The following RNLS variants were observed in gnomAD, a reference collection of about 807,000 sequenced individuals.
RNLS encodes renalase, FAD dependent amine oxidase.
RNLS carries 39 observed loss-of-function variants against 39.8 expected under a neutral mutation model. The ratio of observed to expected loss-of-function variants is 0.98; its 90% CI spans 0.76 to 1.28. The LOEUF is 1.28. RNLS is among the 50% of genes most tolerant of loss of function. The pLI, the probability that RNLS is intolerant of heterozygous loss-of-function variation, is 0.00. For missense variants in RNLS, 410 were observed against 413.3 expected (o/e 0.99, Z 0.07); for synonymous variants, 147 against 150.7 (o/e 0.98, Z 0.18).
At chr10:88,287,379 C>T (rs1426353033) in intron 6 of RNLS, among the ~76,000 whole-genome samples, 2 of 152,114 alleles carry the variant, frequency 1.3e-5, no homozygotes, top group Non-Finnish European at 2.9e-5. Flanking sequence ...GCACATAGTG[C>T]AGTCACTGAA....
At chr10:88,314,227 T>G (rs1172998732) in intron 6 of RNLS, among the ~76,000 whole-genome samples, 1 of 152,210 alleles carries the variant, frequency 6.6e-6, no homozygotes, top group Admixed American at 6.5e-5. Flanking sequence ...TTTGTAAGTC[T>G]TGAGATGCTT....
intron 4 of RNLS, among the ~76,000 whole-genome samples, chr10:88,426,890 T>C (rs1461758187): frequency 1.3e-5 from 2 of 152,026 alleles, no homozygotes; most frequent in Non-Finnish European, 2.9e-5. Flanking sequence ...TAAAGATCAG[T>C]TAAACCTAAG....
intron 4 of RNLS, among the ~76,000 whole-genome samples, chr10:88,477,389 C>T (rs1363504808): frequency 6.6e-6 from 1 of 151,650 alleles, no homozygotes; most frequent in African/African-American, 2.4e-5. Flanking sequence ...TGGTGATGAC[C>T]GGGATGACAG....
intron 4 of RNLS, among the ~76,000 whole-genome samples, chr10:88,427,236 T>C (rs1854835502): frequency 6.6e-6 from 1 of 152,032 alleles, no homozygotes; most frequent in African/African-American, 2.4e-5. Context: ...GTTATCAGCC[T>C]TGTGGATTCT....
the RNLS span, among the ~76,000 whole-genome samples, chr10:88,203,357 CGT>C: frequency 0.1 from 88 of 858 alleles, 26 homozygotes; most frequent in Non-Finnish European, 0.16. Context: ...TATATATATA[CGT>C]ATGTGTGTGT....
In RNLS at chr10:88,420,031, T is replaced by C. The variant is rs1025819887; in HGVS notation, c.527-57306A>G. Among the ~76,000 whole-genome samples the C allele has an allele frequency of 2.6e-4, 26 of 99,264 alleles. No homozygotes were observed. In the Admixed American group the frequency reaches 2.8e-3, roughly 11 times the overall value. The allele number at this position is 99,264 out of a possible 152,430, so 65.1% of individuals were successfully genotyped here. On this transcript the variant is annotated intron_variant, in intron 4 of 6. Coordinates refer to ENST00000331772, the MANE Select transcript of RNLS (RefSeq NM_001031709.3). ...ATCTCAAAATAAATAAATAAATAAA[T>C]AAATAAATAAATAAATAAATAAATA...
At chr10:88,273,755 CT>C (rs1842715279), downstream of RNLS, 1 of 152,132 alleles carries the variant, frequency 6.6e-6, no homozygotes, top group Non-Finnish European at 1.5e-5. Flanking sequence ...CATATTGCCA[CT>C]TACTATGCGA....
intron 6 of RNLS, among the ~76,000 whole-genome samples, chr10:88,308,662 A>G (rs1845121015): frequency 1.3e-5 from 2 of 152,204 alleles, no homozygotes; most frequent in African/African-American, 4.8e-5. Flanking sequence ...GTGCTTACAC[A>G]TTGTTGGTGG....
chr10:88,367,974 T>C (rs1353174998), intron 4 of RNLS, among the ~76,000 whole-genome samples: 1 of 152,128 alleles, frequency 6.6e-6, no homozygotes, highest in Non-Finnish European at 1.5e-5. Context: ...TAGTATGATT[T>C]GATGAATAGA....
chr10:88,573,231 T>A (rs1413149401), intron 3 of RNLS, among the ~76,000 whole-genome samples, 170 bp from the exon 4 acceptor site: 2 of 152,208 alleles, frequency 1.3e-5, no homozygotes, highest in Non-Finnish European at 2.9e-5. Context: ...TGGGAATTCA[T>A]CCCTACCTGG....
At chr10:88,313,616 A>C (rs1401015960) in intron 6 of RNLS, among the ~76,000 whole-genome samples, 1 of 152,170 alleles carries the variant, frequency 6.6e-6, no homozygotes, top group African/African-American at 2.4e-5. Context: ...AAATATACAA[A>C]ATCAACTGCA....
At chr10:88,265,642 A>G in the RNLS span, among the ~76,000 whole-genome samples, 69 of 151,940 alleles carry the variant, frequency 4.5e-4, no homozygotes, top group African/African-American at 1.6e-3. Flanking sequence ...GTTTTATTTG[A>G]TTCGTAGCTT....
chr10:88,493,464 C>T lies in RNLS; in HGVS notation c.526+79439G>A, dbSNP rs527738186. On this transcript the variant is annotated intron_variant, in intron 4 of 6. Coordinates refer to ENST00000331772, the MANE Select transcript of RNLS (RefSeq NM_001031709.3). ...TGGTTAATGAATAGCTACAATATGA[C>T]ATCAATTATTGTGATTTAAAAAAAA... Among the ~76,000 whole-genome samples, 94 of 152,102 alleles carry T rather than the reference C, an allele frequency of 6.2e-4. 1 individual carries two copies. The highest frequency in any genetic ancestry group is 2.1e-3 in the African/African-American group (87 of 41,518).
chr10:88,292,383 A>G (rs1383764526), intron 6 of RNLS, among the ~76,000 whole-genome samples: 1 of 151,852 alleles, frequency 6.6e-6, no homozygotes, highest in East Asian at 1.9e-4. Context: ...AACAGCCACT[A>G]TTTGCACTAA....
At chr10:88,471,749 T>C (rs1023544633) in intron 4 of RNLS, among the ~76,000 whole-genome samples, 1 of 151,876 alleles carries the variant, frequency 6.6e-6, no homozygotes, top group African/African-American at 2.4e-5. Flanking sequence ...AGGTGCAAGG[T>C]TTTTGTGGTC....
At chr10:88,464,040 G>A (rs1403847591) in intron 4 of RNLS, among the ~76,000 whole-genome samples, 2 of 152,054 alleles carry the variant, frequency 1.3e-5, no homozygotes, top group Non-Finnish European at 2.9e-5. Context: ...GAAACCAGGA[G>A]TCTAGCCTCA....
chr10:88,294,260 A>G (rs1843901689), intron 6 of RNLS, among the ~76,000 whole-genome samples: 1 of 152,156 alleles, frequency 6.6e-6, no homozygotes, highest in African/African-American at 2.4e-5. Flanking sequence ...AATGAAGGAG[A>G]GACCAGAACT....
chr10:88,341,448 A>C (rs1847955753), intron 5 of RNLS, among the ~76,000 whole-genome samples: 2 of 152,170 alleles, frequency 1.3e-5, no homozygotes, highest in African/African-American at 4.8e-5. Context: ...TGAATGTATA[A>C]ACAATGAATT....
intron 3 of RNLS, among the ~76,000 whole-genome samples, chr10:88,578,952 T>C (rs571317180): frequency 6.6e-6 from 1 of 152,254 alleles, no homozygotes; most frequent in South Asian, 2.1e-4. Context: ...CAAAAGGATA[T>C]GTGTATGTAT....
Sources: allele counts gnomAD v4.1 joint callset (sites outside exome capture counted in the v4.1 genomes callset), GRCh38; gene constraint gnomAD v4.1.1; transcripts MANE v1.5; gene names NCBI Gene and HGNC (gene_info 2026-07-23, HGNC 2026-07-21).